CCDC57: variants seen among roughly 807,000 people sequenced by gnomAD.
The protein encoded by CCDC57 is coiled-coil domain-containing protein 57.
A neutral mutation model predicts 118.9 loss-of-function variants in CCDC57; 118 were observed. The observed-to-expected ratio is 0.99, with a 90% CI of 0.86 to 1.16. The LOEUF is 1.16. Among genes scored for constraint, CCDC57 ranks in the 50% most tolerant of loss-of-function variants. The pLI is 0.00. For missense variants in CCDC57, 1,300 were observed against 1,320.7 expected (o/e 0.98, Z 0.24); for synonymous variants, 527 against 532.9 (o/e 0.99, Z 0.15).
chr17:82,138,050 T>A (rs774513195), intron 16 of CCDC57, among the ~76,000 whole-genome samples: 1 of 151,628 alleles, frequency 6.6e-6, no homozygotes, highest in Non-Finnish European at 1.5e-5. Flanking sequence ...TTTTTTCTTA[T>A]AAAAAGAGAG....
chr17:82,174,796 G>C (rs190493817), intron 11 of CCDC57, among the ~76,000 whole-genome samples: 2 of 152,186 alleles, frequency 1.3e-5, no homozygotes, highest in African/African-American at 4.8e-5. Context: ...TGCTTCTTTT[G>C]ATTCTTGCAT....
At chr17:82,137,264 G>A (rs960620609) in intron 16 of CCDC57, among the ~76,000 whole-genome samples, 6 of 151,730 alleles carry the variant, frequency 4.0e-5, no homozygotes, top group South Asian at 2.1e-4. Flanking sequence ...CCTATGATCC[G>A]CCCACCTCGG....
At chr17:82,186,347 G>A (rs1007551314) in intron 8 of CCDC57, among the ~76,000 whole-genome samples, 4 of 152,140 alleles carry the variant, frequency 2.6e-5, no homozygotes, top group African/African-American at 9.7e-5. Context: ...CTGCAACGGG[G>A]GGCCAAGGTT....
At chr17:82,136,764 G>C (rs1288162889) in intron 16 of CCDC57, among the ~76,000 whole-genome samples, 1 of 151,656 alleles carries the variant, frequency 6.6e-6, no homozygotes, top group Non-Finnish European at 1.5e-5. Flanking sequence ...TTGTTTTTTA[G>C]TAGAGACAGG....
intron 8 of CCDC57, 99 bp from the exon 8 acceptor site, chr17:82,184,031 GCACA>G (rs71166198): frequency 0.089 from 11,616 of 130,274 alleles, 448 homozygotes; most frequent in Non-Finnish European, 0.11. Context: ...GCGCGCGCGC[GCACA>G]CACACACACA....
chr17:82,163,285 C>T (rs1164902529), exon 14 of CCDC57: 3 of 1,613,930 alleles, frequency 1.9e-6, no homozygotes, highest in Non-Finnish European at 2.5e-6. Context: ...GGATACTGGG[C>T]CAGCTTGGAC....
intron 15 of CCDC57, 200 bp from the exon 15 acceptor site, chr17:82,151,973 A>G (rs892272698): frequency 1.2e-5 from 7 of 580,870 alleles, no homozygotes; most frequent in Non-Finnish European, 2.1e-5. Context: ...TTCCACAAAT[A>G]GAATAAAGGC....
intron 13 of CCDC57, among the ~76,000 whole-genome samples, chr17:82,166,264 C>A (rs188268695): frequency 7.3e-5 from 11 of 151,256 alleles, no homozygotes; most frequent in Non-Finnish European, 1.5e-4. Context: ...CAGCAAGTTA[C>A]TGGGGAGGGT....
intron 7 of CCDC57, among the ~76,000 whole-genome samples, chr17:82,188,766 A>T (rs2047295919): frequency 6.6e-6 from 1 of 152,250 alleles, no homozygotes; most frequent in South Asian, 2.1e-4. Context: ...AAAAAAAGGT[A>T]GATGCACACT....
At chr17:82,179,225 C>A in intron 9 of CCDC57, 36 bp from the exon 9 acceptor site, 1 of 1,585,806 alleles carries the variant, frequency 6.3e-7, no homozygotes, top group Non-Finnish European at 8.6e-7. Context: ...ATTAATGCTT[C>A]CTGAGGTCCC....
chr17:82,201,943 A>G, exon 3 of CCDC57: 1 of 1,590,250 alleles, frequency 6.3e-7, no homozygotes. Context: ...CAGTGGCAGC[A>G]TGGTGGCCGC....
intron 7 of CCDC57, among the ~76,000 whole-genome samples, chr17:82,188,972 A>G (rs1477299252): frequency 6.6e-6 from 1 of 152,242 alleles, no homozygotes; most frequent in Non-Finnish European, 1.5e-5. Context: ...TACTTTAAAA[A>G]TATTATGTTA....
intron 19 of CCDC57, among the ~76,000 whole-genome samples, chr17:82,121,253 C>A: frequency 6.6e-6 from 1 of 152,186 alleles, no homozygotes; most frequent in East Asian, 1.9e-4. Context: ...TAAATACCAG[C>A]CACCCTGTCT....
In CCDC57 at chr17:82,192,609, C is replaced by G. The variant is rs761522087; in HGVS notation, c.851+1147G>C. On this transcript the variant is annotated intron_variant, in intron 7 of 19. Transcript: ENST00000665763. The surrounding 1 kb of genome is among the most constrained non-coding windows in gnomAD (Gnocchi z 4.0). ...TAAGCAAGCAGTCCTGCACCACTGC[C>G]ATCTGCACTGTGTCTGTTTGGGCTC... Among the ~76,000 whole-genome samples the G allele has an allele frequency of 2.6e-5, 4 of 152,230 alleles. No homozygotes were observed. The highest frequency in any genetic ancestry group is 4.4e-5 in the Non-Finnish European group (3 of 68,044).
At position 82,210,629 on chromosome 17, in the gene CCDC57, G is replaced by A. The variant is rs113224791; in HGVS notation, c.-211+2156C>T. On this transcript the variant is annotated intron_variant, in intron 1 of 19. Coordinates refer to ENST00000665763, the Ensembl canonical transcript of CCDC57. ...CGGGAGGCAGAGGTTGCAGTGAGCC[G>A]AGATCAAGCCACTGCACTCCAGCTT... Among the ~76,000 whole-genome samples the A allele has an allele frequency of 2.2e-4, 33 of 150,796 alleles. 2 individuals are homozygous for A. The highest frequency in any genetic ancestry group is 7.1e-4 in the African/African-American group (29 of 40,998).
intron 2 of CCDC57, chr17:82,207,556 G>A (rs951213141): frequency 6.6e-6 from 1 of 152,124 alleles, no homozygotes; most frequent in Non-Finnish European, 1.5e-5. Flanking sequence ...CCCCCACCCA[G>A]GAACTGACTC....
At chr17:82,109,587 G>A (rs985459166) in intron 19 of CCDC57, among the ~76,000 whole-genome samples, 1 of 152,196 alleles carries the variant, frequency 6.6e-6, no homozygotes, top group Non-Finnish European at 1.5e-5. Context: ...GCCAGGCGCG[G>A]TGGCTCACAC....
intron 14 of CCDC57, among the ~76,000 whole-genome samples, chr17:82,158,683 A>G (rs1431712995): frequency 3.8e-5 from 3 of 79,188 alleles, no homozygotes; most frequent in Admixed American, 3.4e-4. Context: ...GCGAGACTCC[A>G]TTTCAAAAAA....
chr17:82,109,812 G>C (rs185564782), intron 19 of CCDC57, among the ~76,000 whole-genome samples: 2 of 151,588 alleles, frequency 1.3e-5, no homozygotes, highest in Non-Finnish European at 2.9e-5. Flanking sequence ...AGCTGAGATC[G>C]CGCCACCGCA....
Sources: allele counts gnomAD v4.1 joint callset (sites outside exome capture counted in the v4.1 genomes callset), GRCh38; gene constraint gnomAD v4.1.1; non-coding constraint Gnocchi (gnomAD v3.1); transcripts MANE v1.5; gene names NCBI Gene and HGNC (gene_info 2026-07-23, HGNC 2026-07-21).